The following PAQR6 variants were observed in gnomAD, a reference collection of about 807,000 sequenced individuals.
PAQR6 encodes the protein membrane progestin receptor delta.
A neutral mutation model predicts 36.2 loss-of-function variants in PAQR6; 34 were observed. The ratio of observed to expected loss-of-function variants is 0.94; its 90% CI spans 0.71 to 1.25. The LOEUF is 1.25. Among genes scored for constraint, PAQR6 ranks in the 50% most tolerant of loss-of-function variants. The pLI, the probability that PAQR6 is intolerant of heterozygous loss-of-function variation, is 0.00. For synonymous variants in PAQR6, 190 were observed against 190.7 expected (o/e 1.00, Z 0.03); for missense variants, 431 against 445.7 (o/e 0.97, Z 0.30).
Position 156,245,852 on chromosome 1 carries a change from G to T in PAQR6, c.315C>A (p.Ser105Arg). Reference protein sequence around the residue: ...PFASCCAHTFSSMSPRMRHIC... With the variant: ...PFASCCAHTFRSMSPRMRHIC... The stretch of plus-strand genomic sequence containing the variant: ...TGTGGCGCATGCGGGGCGACATGGA[G>T]CTGAAGGTGTGCGCGCAGCACGACG... Residue 105 changes from serine to arginine, a missense_variant, in exon 4 of 8, where the codon AGC becomes AGA. Transcript: ENST00000292291. 1 of 1,605,822 alleles carries T rather than the reference G, an allele frequency of 6.2e-7. No individual in the cohort carries two copies. Among genetic ancestry groups the T allele is most frequent in the African/African-American group, 1.3e-5 (1 of 75,004 alleles).
Position 156,244,102 on chromosome 1 carries a change from C to A in PAQR6, c.*27G>T. 1 of 1,608,804 alleles carries A rather than the reference C, an allele frequency of 6.2e-7. No individual in the cohort carries two copies. The highest frequency in any genetic ancestry group is 8.5e-7 in the Non-Finnish European group (1 of 1,176,116). On this transcript the variant is annotated 3_prime_UTR_variant, in exon 8 of 8. Coordinates refer to ENST00000292291, the MANE Select transcript of PAQR6 (RefSeq NM_198406.3). ...AGCACTGGGGCCTGGCCTCTGCCCC[C>A]TCCAGGACAGGGTCAGGGATGGGGC...
rs372236872 is a variant in PAQR6, at chr1:156,246,250, C to T, written c.52G>A (p.Val18Met). The T allele has an allele frequency of 1.2e-6, 2 of 1,609,790 alleles. No homozygotes were observed. Among genetic ancestry groups the T allele is most frequent in the African/African-American group, 2.7e-5 (2 of 74,848 alleles). Residue 18 changes from valine (V) to methionine (M), a missense_variant and splice_region_variant, in exon 3 of 8, where the codon GTG (valine) becomes ATG (methionine). Val to Met is a conservative substitution (Grantham distance 21). Coordinates refer to ENST00000292291, the MANE Select transcript of PAQR6 (RefSeq NM_198406.3). ...GACATGATGCCATCTTCCCAGAACA[C>T]CTAGGGTAGTGGTGGGAGAGGAAGG... ...QLLQVHQVPR[V>M]FWEDGIMSGY...
At position 156,246,002 on chromosome 1, in the gene PAQR6, T is replaced by A; in HGVS notation, c.180-15A>T. The A allele has an allele frequency of 6.4e-7, 1 of 1,560,768 alleles. No individual in the cohort carries two copies. The highest frequency in any genetic ancestry group is 8.6e-7 in the Non-Finnish European group (1 of 1,156,646). On this transcript the variant is annotated splice_polypyrimidine_tract_variant and intron_variant, in intron 3 of 7. Transcript: ENST00000292291. ...ACAGGAAGTACCTGCGGCGGGCGCG[T>A]GCTCAGGCCGCCGCGGACCCCCGCG... is the stretch of plus-strand genomic sequence containing the variant.
rs1188997946 is a variant in PAQR6, at chr1:156,243,587, TG to T, written c.*541del. The T allele has an allele frequency of 1.2e-5, 6 of 500,784 alleles. No individual in the cohort carries two copies. Among genetic ancestry groups the T allele is most frequent in the African/African-American group, 1.1e-4 (6 of 52,654 alleles). 31.0% of individuals were successfully genotyped at this position (500,784 alleles called of 1,614,324 possible). ...CCAGATAGGCCCACCCCCAAAAGCC[TG>T]GACACCTTGAGCACACAGTTATGAC... On this transcript the variant is annotated 3_prime_UTR_variant, in exon 8 of 8. Transcript: ENST00000292291.
chr1:156,245,265 C>A, intron 5 of PAQR6, 27 bp from the exon 6 acceptor site: 1 of 1,594,204 alleles, frequency 6.3e-7, no homozygotes, highest in South Asian at 1.1e-5. Context: ...AAAGGCCGGT[C>A]ACCATCGCTG....
intron 6 of PAQR6, 92 bp from the exon 7 acceptor site, chr1:156,245,003 G>A: frequency 1.9e-6 from 3 of 1,593,124 alleles, no homozygotes; most frequent in Non-Finnish European, 2.6e-6. Flanking sequence ...GAGCGGGCGG[G>A]CACAGCTAGG....
At position 156,244,476 on chromosome 1, in the gene PAQR6, TC is replaced by T. The variant is rs35306862; in HGVS notation, c.761-74del. The stretch of plus-strand genomic sequence containing the variant: ...TCACCCCATCCTCTGGGCCTGCTAC[TC>T]CCCCATAAATTGAGAATAAGAAACC... On this transcript the variant is annotated intron_variant, in intron 7 of 7. Coordinates refer to ENST00000292291, the MANE Select transcript of PAQR6 (RefSeq NM_198406.3). The T allele has an allele frequency of 2.8e-6, 4 of 1,418,354 alleles. No individual in the cohort carries two copies. The Admixed American group carries it at 1.1e-4, about 39-fold the overall frequency. The allele number at this position is 1,418,354 out of a possible 1,614,324, so 87.9% of individuals were successfully genotyped here. A position where few individuals can be genotyped will look rare whatever the true frequency, so the allele number is the denominator to read the frequency against.
At chr1:156,244,605 C>G (rs368949699) in intron 7 of PAQR6, 156 bp downstream of exon 7, 1 of 1,475,564 alleles carries the variant, frequency 6.8e-7, no homozygotes, top group Non-Finnish European at 9.1e-7. Flanking sequence ...GGTGGAGGAC[C>G]CTTCCAGTGA....
chr1:156,244,553 C>G, intron 7 of PAQR6, 150 bp from the exon 8 acceptor site: 1 of 1,361,176 alleles, frequency 7.3e-7, no homozygotes, highest in Non-Finnish European at 9.9e-7. Context: ...TGCATGTGGC[C>G]CCAGCACACA....
chr1:156,245,647 AG>A lies in PAQR6; in HGVS notation c.399del (p.Tyr134MetfsTer86). On this transcript the variant is annotated frameshift_variant, in exon 5 of 8. Coordinates refer to ENST00000292291, the MANE Select transcript of PAQR6 (RefSeq NM_198406.3). LOFTEE classifies it high-confidence loss of function. ...GAGGCCGGCATGGAGTAGGCGGCAT[AG>A]GGGAAGGCGCAGCCTGCGGTGAGGT... Reference protein sequence around the residue: ...LSLYSLGCAFPYAAYSMPASW... With the variant: ...LSLYSLGCAFXYAAYSMPASW... The A allele has an allele frequency of 1.2e-6, 2 of 1,613,070 alleles. No individual in the cohort carries two copies. Among genetic ancestry groups the A allele is most frequent in the Non-Finnish European group, 1.7e-6 (2 of 1,179,866 alleles).
intron 1 of PAQR6, 148 bp from the exon 2 acceptor site, chr1:156,246,904 C>T: frequency 1.6e-6 from 1 of 640,436 alleles, no homozygotes; most frequent in South Asian, 2.0e-5. Context: ...CCTGGGGAAG[C>T]TGGTCCACCT....
At chr1:156,247,271 GACT>G (rs1187159633) in intron 1 of PAQR6, among the ~76,000 whole-genome samples, 2 of 152,232 alleles carry the variant, frequency 1.3e-5, no homozygotes, top group African/African-American at 2.4e-5. Context: ...TTTCTCTGAG[GACT>G]ACACTTGTGC....
rs1558217528 is a variant in PAQR6 at position 156,246,108 on chromosome 1, G to GA, written c.179+14_179+15insT. 1.9e-6 allele frequency: 3 copies of GA among 1,609,710 alleles called. No homozygotes were observed. In the African/African-American group the frequency reaches 4.0e-5, roughly 21 times the overall value. On this transcript the variant is annotated intron_variant, in intron 3 of 7. Transcript: ENST00000292291. ...TGAGCTCAAGGCCGCGGCCTGGGGC[G>GA]GAGCCTCCCCTCACCAGGTGGGCAG...
Position 156,246,111 on chromosome 1 carries a change from G to A in PAQR6, c.179+12C>T. ...GCTCAAGGCCGCGGCCTGGGGCGGAGCCTCCCCTCACCAGGTGGGCAGGAA... is the reference window on the plus strand; with the variant it reads ...GCTCAAGGCCGCGGCCTGGGGCGGAACCTCCCCTCACCAGGTGGGCAGGAA... On this transcript the variant is annotated intron_variant, in intron 3 of 7. Coordinates refer to ENST00000292291, the MANE Select transcript of PAQR6 (RefSeq NM_198406.3). 6.2e-7 allele frequency: 1 copy of A among 1,610,656 alleles called. No homozygotes were observed. Among genetic ancestry groups the A allele is most frequent in the Non-Finnish European group, 8.5e-7 (1 of 1,179,992 alleles).
In PAQR6 at chr1:156,243,910, C is replaced by A. The variant is rs141880906; in HGVS notation, c.*219G>T. On this transcript the variant is annotated 3_prime_UTR_variant, in exon 8 of 8. Coordinates refer to ENST00000292291, the MANE Select transcript of PAQR6 (RefSeq NM_198406.3). ...CCCTCTCAGACCCTCAGCACTTCTT[C>A]CACTCCCATCAAGAGCCCCCTCACG... is the stretch of plus-strand genomic sequence containing the variant. 3.9e-5 allele frequency: 63 copies of A among 1,613,296 alleles called. No homozygotes were observed. In the East Asian group the frequency reaches 1.2e-3, roughly 30 times the overall value.
intron 5 of PAQR6, 28 bp downstream of exon 5, chr1:156,245,507 T>A (rs749387533): frequency 6.2e-7 from 1 of 1,611,008 alleles, no homozygotes; most frequent in South Asian, 1.1e-5. Context: ...GCCTTCCCCG[T>A]CCCCACTGGA....
intron 6 of PAQR6, 104 bp from the exon 7 acceptor site, chr1:156,245,015 G>A (rs1660103567): frequency 6.9e-6 from 11 of 1,595,978 alleles, no homozygotes; most frequent in South Asian, 1.1e-5. Context: ...ACAGCTAGGC[G>A]GGGTGCTGGA....
Position 156,243,730 on chromosome 1 carries a change from G to A in PAQR6, c.*399C>T. The A allele has an allele frequency of 8.6e-7, 1 of 1,159,124 alleles. No homozygotes were observed. The highest frequency in any genetic ancestry group is 1.2e-6 in the Non-Finnish European group (1 of 830,042). 71.8% of individuals were successfully genotyped at this position (1,159,124 alleles called of 1,614,324 possible). ...GCCTGGTTAGCAAGAAGCATTCAGG[G>A]TAGGCCTAGGTTAGTCGTGTTAGTT... On this transcript the variant is annotated 3_prime_UTR_variant, in exon 8 of 8. Coordinates refer to ENST00000292291, the MANE Select transcript of PAQR6 (RefSeq NM_198406.3).
rs1660446068 is a variant in PAQR6, at chr1:156,246,169, T to C, written c.133A>G (p.Met45Val). Residue 45 changes from methionine to valine, a missense_variant, in exon 3 of 8, where the codon ATG becomes GTG. By Grantham distance (21) the Met-to-Val change is conservative. Transcript: ENST00000292291. ...ALDCVLSSFQ[M>V]TNETVNIWTH... ...CAGATGTTGACCGTCTCGTTGGTCATCTGGAAGGAGCTGAGGACACAGTCC... is the reference window on the plus strand; with the variant it reads ...CAGATGTTGACCGTCTCGTTGGTCACCTGGAAGGAGCTGAGGACACAGTCC... 6.2e-7 allele frequency: 1 copy of C among 1,613,412 alleles called. No individual in the cohort carries two copies. Among genetic ancestry groups the C allele is most frequent in the South Asian group, 1.1e-5 (1 of 91,068 alleles).
Sources: allele counts gnomAD v4.1 joint callset (sites outside exome capture counted in the v4.1 genomes callset), GRCh38; gene constraint gnomAD v4.1.1; transcripts MANE v1.5; gene names NCBI Gene and HGNC (gene_info 2026-07-23, HGNC 2026-07-21).